Variants in MEGF6 observed in about 807,000 individuals in gnomAD.
MEGF6 encodes the protein multiple epidermal growth factor-like domains protein 6.
MEGF6 carries 184 observed loss-of-function variants against 207.1 expected under a neutral mutation model. The ratio of observed to expected loss-of-function variants is 0.89; its 90% CI spans 0.79 to 1.00. The LOEUF (loss-of-function observed/expected upper bound fraction) is 1.00, where lower values mean the gene tolerates loss of function less well. Among genes scored for constraint, MEGF6 ranks in the 50% least tolerant of loss-of-function variants. MEGF6 has a pLI of 0.00. For synonymous variants in MEGF6, 1,038 were observed against 910.0 expected, an observed-to-expected ratio of 1.14 and a Z score of -2.53; for missense variants, 2,282 against 2,202.9, an observed-to-expected ratio of 1.04 and a Z score of -0.72.
chr1:3,559,919 G>A (rs950091900), intron 4 of MEGF6, among the ~76,000 whole-genome samples: 20 of 151,746 alleles, frequency 1.3e-4, no homozygotes, highest in African/African-American at 4.6e-4. Context: ...GCTGAGGCAG[G>A]AGAATGGCAT....
At chr1:3,606,328 G>C (rs529541034) in intron 1 of MEGF6, among the ~76,000 whole-genome samples, 1 of 152,336 alleles carries the variant, frequency 6.6e-6, no homozygotes, top group Non-Finnish European at 1.5e-5. Flanking sequence ...GAAGGATTGC[G>C]TGTGTTTGCC....
chr1:3,566,196 G>A (rs555866103), intron 4 of MEGF6, among the ~76,000 whole-genome samples: 5 of 152,354 alleles, frequency 3.3e-5, no homozygotes, highest in East Asian at 3.9e-4. Context: ...CCAGGCCCCC[G>A]GCTTGACCGG....
chr1:3,559,946 G>C (rs1261741622), intron 4 of MEGF6, among the ~76,000 whole-genome samples: 1 of 149,666 alleles, frequency 6.7e-6, no homozygotes, highest in Non-Finnish European at 1.5e-5. Flanking sequence ...GGGAGGCGGA[G>C]GTTGCAGTGA....
At chr1:3,517,012 C>T (rs1230640235) in intron 5 of MEGF6, among the ~76,000 whole-genome samples, 1 of 152,244 alleles carries the variant, frequency 6.6e-6, no homozygotes, top group Non-Finnish European at 1.5e-5. Flanking sequence ...CCAGGCCCGG[C>T]CTGCCTCACC....
At chr1:3,497,684 C>T (rs905743911) in intron 26 of MEGF6, 15 of 506,620 alleles carry the variant, frequency 3.0e-5, no homozygotes, top group Non-Finnish European at 5.2e-5. Context: ...CCATGGAAGG[C>T]GAAGGAGCCG....
chr1:3,587,515 T>G (rs1643908466), intron 3 of MEGF6, among the ~76,000 whole-genome samples: 1 of 152,268 alleles, frequency 6.6e-6, no homozygotes, highest in African/African-American at 2.4e-5. Context: ...GATGTATAGT[T>G]TGCAATGTTG....
At chr1:3,502,043 G>GC (rs376798734) in intron 17 of MEGF6, 122 bp from the exon 18 acceptor site, 47 of 1,369,344 alleles carry the variant, frequency 3.4e-5, no homozygotes, top group Admixed American at 9.0e-5. Flanking sequence ...TGGCGAGTGT[G>GC]CCCCCCCGGC....
chr1:3,494,442 T>C lies in MEGF6; in HGVS notation c.4058A>G (p.Asn1353Ser), dbSNP rs1050121382. The C allele has an allele frequency of 2.0e-5, 32 of 1,570,146 alleles. No individual in the cohort carries two copies. The highest frequency in any genetic ancestry group is 1.8e-4 in the African/African-American group (13 of 73,668). ...GCCCGTGGCAGGCTCACACGTGCTG[T>C]TGTTGTGGCAGGAGCACTCCAGATG... Reference protein sequence around the residue: ...ACHLECSCHNNSTCEPATGTC... With the variant: ...ACHLECSCHNSSTCEPATGTC... Residue 1353 changes from asparagine (N) to serine (S), a missense_variant, in exon 32 of 37, where the codon AAC becomes AGC. Physicochemically the swap from Asn to Ser is conservative, Grantham distance 46. Transcript: ENST00000356575.
intron 29 of MEGF6, among the ~76,000 whole-genome samples, 161 bp from the exon 30 acceptor site, chr1:3,496,179 C>G (rs1262522846): frequency 6.6e-6 from 1 of 152,226 alleles, no homozygotes; most frequent in Non-Finnish European, 1.5e-5. Flanking sequence ...CCTGGCATCT[C>G]CCTTCCACCC....
At chr1:3,606,969 G>A (rs976121862) in intron 1 of MEGF6, among the ~76,000 whole-genome samples, 2 of 152,014 alleles carry the variant, frequency 1.3e-5, no homozygotes, top group Non-Finnish European at 2.9e-5. Context: ...CCCAGGCCTG[G>A]GGCCTGCTGT....
At chr1:3,614,265 C>T (rs866886147), upstream of MEGF6, among the ~76,000 whole-genome samples, 2 of 152,216 alleles carry the variant, frequency 1.3e-5, no homozygotes, top group South Asian at 2.1e-4. Flanking sequence ...TCTGCCCAGC[C>T]TGGTACTGGA....
intron 2 of MEGF6, among the ~76,000 whole-genome samples, chr1:3,601,736 G>A (rs943076411): frequency 5.9e-5 from 9 of 152,200 alleles, no homozygotes; most frequent in African/African-American, 1.9e-4. Flanking sequence ...CATCTGAATT[G>A]CGCAGCAAAC....
At chr1:3,610,865 G>T (rs1445311376) in intron 1 of MEGF6, among the ~76,000 whole-genome samples, 3 of 144,394 alleles carry the variant, frequency 2.1e-5, no homozygotes, top group African/African-American at 7.5e-5. Context: ...TCCAAGTACA[G>T]TATCTGCCTG....
At chr1:3,613,123 AC>A (rs373273355), upstream of MEGF6, among the ~76,000 whole-genome samples, 271 of 152,304 alleles carry the variant, frequency 1.8e-3, 1 homozygote, top group African/African-American at 6.2e-3. Context: ...AACCCCAGCT[AC>A]CAGTTGGTGC....
intron 17 of MEGF6, among the ~76,000 whole-genome samples, chr1:3,504,346 T>C (rs550885453): frequency 2.2e-4 from 33 of 152,242 alleles, no homozygotes; most frequent in African/African-American, 7.5e-4. Context: ...CGAGGGCGTC[T>C]TCCTTCCCCT....
rs941384686 is a variant in MEGF6 at position 3,557,064 on chromosome 1, C to T, written c.481+22761G>A. Among the ~76,000 whole-genome samples, 4 of 152,226 alleles carry T rather than the reference C, an allele frequency of 2.6e-5. No homozygotes were observed. In the East Asian group the frequency reaches 7.8e-4, roughly 30 times the overall value. On this transcript the variant is annotated intron_variant, in intron 4 of 36. Coordinates refer to ENST00000356575, the MANE Select transcript of MEGF6 (RefSeq NM_001409.4). ...AGGACATCGCAGCAGCCAGGAGAGA[C>T]GGGCGCTGCTGCCTTGGAAGGACGA... is the stretch of plus-strand genomic sequence containing the variant.
chr1:3,620,628 G>A, the MEGF6 span, among the ~76,000 whole-genome samples: 3 of 152,354 alleles, frequency 2.0e-5, no homozygotes, highest in East Asian at 1.9e-4. Flanking sequence ...CTCCACACAC[G>A]GAGTCCCCAC....
intron 2 of MEGF6, among the ~76,000 whole-genome samples, chr1:3,599,772 T>TCCAGGGCCTGAGGAAGCCCAGG (rs559803981): frequency 1.6e-3 from 250 of 152,178 alleles, no homozygotes; most frequent in Admixed American, 3.9e-3. Flanking sequence ...TGCTCCTCAC[T>TCCAGGGCCTGAGGAAGCCCAGG]CCAGGGCCTG....
Position 3,511,831 on chromosome 1 carries a change from G to C in MEGF6, c.977-144C>G. 2.1e-6 allele frequency: 3 copies of C among 1,432,142 alleles called. No homozygotes were observed. In the South Asian group the frequency reaches 4.0e-5, roughly 19 times the overall value. 88.7% of individuals were successfully genotyped at this position (1,432,142 alleles called of 1,614,324 possible). A position where few individuals can be genotyped will look rare whatever the true frequency, so the allele number is the denominator to read the frequency against. ...CAGCAACATGGAGCTCCCAGGCCTTGTTGGGTCTGGGACCCCCTGCTCTCC... is the reference window on the plus strand; with the variant it reads ...CAGCAACATGGAGCTCCCAGGCCTTCTTGGGTCTGGGACCCCCTGCTCTCC... On this transcript the variant is annotated intron_variant, in intron 8 of 36. Transcript: ENST00000356575.
Sources: allele counts gnomAD v4.1 joint callset (sites outside exome capture counted in the v4.1 genomes callset), GRCh38; gene constraint gnomAD v4.1.1; transcripts MANE v1.5; gene names NCBI Gene and HGNC (gene_info 2026-07-23, HGNC 2026-07-21).